The following USP46 variants were observed in gnomAD, a reference collection of about 807,000 sequenced individuals.
USP46 encodes ubiquitin specific peptidase 46.
Under a neutral mutation model 44.4 loss-of-function variants are expected in USP46, and 12 were observed. The ratio of observed to expected loss-of-function variants is 0.27; its 90% CI spans 0.17 to 0.44. The LOEUF (loss-of-function observed/expected upper bound fraction) is 0.44, where lower values mean the gene tolerates loss of function less well. Among genes scored for constraint, USP46 ranks in the 20% least tolerant of loss-of-function variants. The pLI, the probability that USP46 is intolerant of heterozygous loss-of-function variation, is 1.00. For synonymous variants in USP46, 155 were observed against 161.5 expected (o/e 0.96, Z 0.31); for missense variants, 248 against 444.8 (o/e 0.56, Z 3.98).
chr4:52,597,970 C>T (rs899119992), intron 8 of USP46, among the ~76,000 whole-genome samples: 3 of 152,172 alleles, frequency 2.0e-5, no homozygotes, highest in Admixed American at 6.5e-5. Flanking sequence ...GCATTAGCAA[C>T]CCTGTGTGGG....
At chr4:52,633,289 C>T (rs1444986530) in intron 1 of USP46, among the ~76,000 whole-genome samples, 1 of 152,194 alleles carries the variant, frequency 6.6e-6, no homozygotes, top group Non-Finnish European at 1.5e-5. Context: ...AATACTGTTG[C>T]ACCAAACGAA....
At chr4:52,622,174 G>T (rs1317067330) in intron 4 of USP46, among the ~76,000 whole-genome samples, 3 of 152,116 alleles carry the variant, frequency 2.0e-5, no homozygotes, top group African/African-American at 7.2e-5. Flanking sequence ...GAGACTGAGA[G>T]GAAAATTAAA....
intron 3 of USP46, among the ~76,000 whole-genome samples, chr4:52,626,983 G>C (rs1170968507): frequency 6.6e-6 from 1 of 152,204 alleles, no homozygotes; most frequent in Non-Finnish European, 1.5e-5. Flanking sequence ...CAGCCTGGAA[G>C]CAGCTTAGAT....
intron 4 of USP46, among the ~76,000 whole-genome samples, chr4:52,617,373 A>C (rs939851473): frequency 6.6e-6 from 1 of 152,250 alleles, no homozygotes; most frequent in Non-Finnish European, 1.5e-5. Context: ...CAAAGAAGGT[A>C]ATAAAAACAA....
chr4:52,610,690 A>C, intron 4 of USP46, 73 bp from the exon 5 acceptor site: 1 of 1,384,244 alleles, frequency 7.2e-7, no homozygotes, highest in African/African-American at 1.4e-5. Flanking sequence ...ATGTATAGGT[A>C]ATCACCGACT....
Position 52,659,189 on chromosome 4 carries a change from A to C in USP46, c.-39T>G, listed in dbSNP as rs745668838. The C allele has an allele frequency of 6.6e-7, 1 of 1,520,992 alleles. No individual in the cohort carries two copies. The highest frequency in any genetic ancestry group is 8.8e-7 in the Non-Finnish European group (1 of 1,132,980). 94.2% of individuals were successfully genotyped at this position (1,520,992 alleles called of 1,614,324 possible). On this transcript the variant is annotated 5_prime_UTR_variant, in exon 1 of 9. An upstream open reading frame in the 5' UTR loses its in-frame stop. Coordinates refer to ENST00000441222, the MANE Select transcript of USP46 (RefSeq NM_022832.4). This position sits in a 1 kb window ranked among gnomAD's most constrained non-coding sequence, Gnocchi z 4.2. ...GCAGCGATCCCTCACCGCCATCTTT[A>C]CAAGGGGAAACCGGGACTGCCCATG...
chr4:52,643,793 G>GA (rs1463810585), intron 1 of USP46, among the ~76,000 whole-genome samples: 1 of 152,050 alleles, frequency 6.6e-6, no homozygotes, highest in Non-Finnish European at 1.5e-5. Flanking sequence ...TTCTACACAT[G>GA]AAAAAAATGT....
chr4:52,632,562 T>G (rs892231520), intron 1 of USP46, among the ~76,000 whole-genome samples: 1 of 152,130 alleles, frequency 6.6e-6, no homozygotes, highest in Non-Finnish European at 1.5e-5. Context: ...GGCTCACACC[T>G]GTAATTCCAG....
At chr4:52,634,711 C>T (rs1487116720) in intron 1 of USP46, among the ~76,000 whole-genome samples, 4 of 152,140 alleles carry the variant, frequency 2.6e-5, no homozygotes, top group East Asian at 3.9e-4. Flanking sequence ...AGGCATGAGC[C>T]GCCACGCCCA....
At chr4:52,635,112 T>A (rs1238447312) in intron 1 of USP46, among the ~76,000 whole-genome samples, 6 of 136,608 alleles carry the variant, frequency 4.4e-5, no homozygotes, top group Non-Finnish European at 1.6e-5. Context: ...CCTTATACCC[T>A]CCAGGCAATG....
At chr4:52,632,473 C>T (rs919366674) in intron 1 of USP46, among the ~76,000 whole-genome samples, 3 of 152,156 alleles carry the variant, frequency 2.0e-5, no homozygotes, top group African/African-American at 7.2e-5. Flanking sequence ...TCATGGAAGA[C>T]TAACAGCTCA....
chr4:52,634,963 C>T (rs945129126), intron 1 of USP46, among the ~76,000 whole-genome samples: 4 of 152,196 alleles, frequency 2.6e-5, no homozygotes, highest in Non-Finnish European at 5.9e-5. Context: ...AAATTCCATT[C>T]CACTTCAGCT....
chr4:52,616,534 G>A (rs544434753), intron 4 of USP46, among the ~76,000 whole-genome samples: 63 of 152,228 alleles, frequency 4.1e-4, no homozygotes, highest in African/African-American at 1.4e-3. Flanking sequence ...CACCACACCC[G>A]TCTAATTTTT....
At chr4:52,642,459 A>G (rs1256587952) in intron 1 of USP46, among the ~76,000 whole-genome samples, 2 of 152,224 alleles carry the variant, frequency 1.3e-5, no homozygotes, top group African/African-American at 4.8e-5. Flanking sequence ...ACTACTACAT[A>G]ATATTGACTC....
In USP46 at chr4:52,594,687, GATC is replaced by G. The variant is rs1238506171; in HGVS notation, c.*2950_*2952del. 3 of 152,130 alleles carry G rather than the reference GATC, an allele frequency of 2.0e-5. No individual in the cohort carries two copies. The highest frequency in any genetic ancestry group is 2.9e-5 in the Non-Finnish European group (2 of 68,016). 9.4% of individuals were successfully genotyped at this position (152,130 alleles called of 1,614,324 possible). On this transcript the variant is annotated 3_prime_UTR_variant, in exon 9 of 9. Coordinates refer to ENST00000441222, the MANE Select transcript of USP46 (RefSeq NM_022832.4). ...AGCCCTAAGCTCCAGTTAGAACATA[GATC>G]ATTATTAGGCATGCCCATGAAATTA...
intron 4 of USP46, among the ~76,000 whole-genome samples, chr4:52,621,331 C>T (rs572459503): frequency 1.3e-5 from 2 of 152,202 alleles, no homozygotes; most frequent in African/African-American, 4.8e-5. Context: ...CAGTTTATTA[C>T]AAAAATACAA....
intron 7 of USP46, among the ~76,000 whole-genome samples, chr4:52,600,391 G>A (rs754659768): frequency 3.3e-5 from 5 of 152,194 alleles, no homozygotes; most frequent in Non-Finnish European, 5.9e-5. Flanking sequence ...CACCCAATCC[G>A]CAAGCATAGG....
chr4:52,653,836 G>C (rs1718856643), intron 1 of USP46, among the ~76,000 whole-genome samples: 1 of 152,004 alleles, frequency 6.6e-6, no homozygotes, highest in Admixed American at 6.6e-5. Context: ...AAGACCAGGA[G>C]GGGGAAAAAA....
chr4:52,624,603 T>C (rs1422818524), intron 4 of USP46, among the ~76,000 whole-genome samples: 1 of 152,200 alleles, frequency 6.6e-6, no homozygotes, highest in Non-Finnish European at 1.5e-5. Context: ...TAGATGTTGA[T>C]GTGTAAGTCT....
Sources: gnomAD v4.1 joint callset for allele counts (sites outside exome capture counted in the v4.1 genomes callset) on GRCh38, gnomAD v4.1.1 for gene constraint, Gnocchi (gnomAD v3.1) non-coding constraint, MANE v1.5 for transcripts, NCBI Gene and HGNC (gene_info 2026-07-23, HGNC 2026-07-21) for gene names.